Variants in SH3KBP1 observed in about 807,000 individuals in gnomAD.
SH3KBP1 encodes the protein SH3 domain containing kinase binding protein 1.
In SH3KBP1, 8 loss-of-function variants were observed where a neutral mutation model predicts 50.1. That is an observed-to-expected ratio of 0.16 (90% CI 0.09 to 0.29). The LOEUF (loss-of-function observed/expected upper bound fraction) is 0.29. Ranked by LOEUF, SH3KBP1 falls within the 10% of genes least tolerant of loss-of-function variation. The pLI is 1.00. For missense variants in SH3KBP1, 377 were observed against 535.2 expected, an observed-to-expected ratio of 0.70 and a Z score of 2.92; for synonymous variants, 227 against 218.6, an observed-to-expected ratio of 1.04 and a Z score of -0.34.
At chrX:19,541,347 G>A (rs921325886) in intron 16 of SH3KBP1, among the ~76,000 whole-genome samples, 4 of 111,885 alleles carry the variant, frequency 3.6e-5, no homozygotes, top group Non-Finnish European at 7.5e-5. Context: ...GAGATGTGGC[G>A]AGAGTGTGTG....
intron 5 of SH3KBP1, 34 bp downstream of exon 5, chrX:19,695,577 GC>G: frequency 8.3e-7 from 1 of 1,202,795 alleles, no homozygotes; most frequent in Middle Eastern, 2.3e-4. Flanking sequence ...CCGGTCCCCC[GC>G]CCCTCTCCTG....
intron 2 of SH3KBP1, among the ~76,000 whole-genome samples, chrX:19,834,293 C>T (rs1162031470): frequency 8.9e-6 from 1 of 112,028 alleles, no homozygotes; most frequent in African/African-American, 3.2e-5. Flanking sequence ...ACCTGCTTCT[C>T]TGGGCCCAAG....
chrX:19,792,224 G>A (rs1326384224), intron 2 of SH3KBP1, among the ~76,000 whole-genome samples: 4 of 112,026 alleles, frequency 3.6e-5, no homozygotes, highest in South Asian at 3.6e-4. Flanking sequence ...AAAGGTATTT[G>A]TGGCACATTT....
rs1602500985 is a variant in SH3KBP1, at chrX:19,568,969, T to C, written c.1384+134A>G. 6 of 542,760 alleles carry C rather than the reference T, an allele frequency of 1.1e-5. No individual in the cohort carries two copies. The East Asian group carries it at 2.0e-4, about 18-fold the overall frequency. The allele number at this position is 542,760 out of a possible 1,213,427, so 44.7% of individuals were successfully genotyped here. On this transcript the variant is annotated intron_variant, in intron 13 of 17. Transcript: ENST00000397821. ...CCCTTCTTTACAAAACTGTAACACCTAAAGCCAAGCAAGGGTGCCAGCCTG... is the reference window on the plus strand; with the variant it reads ...CCCTTCTTTACAAAACTGTAACACCCAAAGCCAAGCAAGGGTGCCAGCCTG...
At chrX:19,653,635 C>T (rs1235024214) in intron 6 of SH3KBP1, among the ~76,000 whole-genome samples, 4 of 110,011 alleles carry the variant, frequency 3.6e-5, no homozygotes, top group Admixed American at 2.9e-4. Flanking sequence ...CACTTCAACC[C>T]GGGAGGCGGA....
intron 2 of SH3KBP1, among the ~76,000 whole-genome samples, chrX:19,803,723 C>T (rs1024034814): frequency 9.0e-6 from 1 of 111,568 alleles, no homozygotes; most frequent in Non-Finnish European, 1.9e-5. Context: ...GTTAAGAAGA[C>T]ACTTGCTGGG....
At chrX:19,816,330 G>A (rs1410798482) in intron 2 of SH3KBP1, among the ~76,000 whole-genome samples, 1 of 111,487 alleles carries the variant, frequency 9.0e-6, no homozygotes, top group Non-Finnish European at 1.9e-5. Flanking sequence ...ATGTCTGTTC[G>A]TGTATTTCAC....
chrX:19,690,002 T>C (rs1039247536), intron 5 of SH3KBP1, among the ~76,000 whole-genome samples: 6 of 110,541 alleles, frequency 5.4e-5, no homozygotes, highest in African/African-American at 1.6e-4. Flanking sequence ...TTCTGCATCA[T>C]GGCAGTGGTT....
At chrX:19,767,921 C>T (rs772484102) in intron 2 of SH3KBP1, among the ~76,000 whole-genome samples, 11 of 110,419 alleles carry the variant, frequency 1.0e-4, no homozygotes, top group Non-Finnish European at 2.1e-4. Flanking sequence ...AGCAGAACTT[C>T]GGTGGTTCTG....
intron 12 of SH3KBP1, among the ~76,000 whole-genome samples, chrX:19,572,400 ATATATAGTACATACATGT>A (rs1397669763): frequency 1.1e-5 from 1 of 89,395 alleles, no homozygotes; most frequent in Non-Finnish European, 2.1e-5. Context: ...TACATATGTT[ATATATAGTACATACATGT>A]TATATAGTAC....
chrX:19,617,433 T>C (rs774259100), intron 8 of SH3KBP1, among the ~76,000 whole-genome samples: 3 of 112,495 alleles, frequency 2.7e-5, no homozygotes, highest in African/African-American at 9.7e-5. Context: ...TAATAGAACT[T>C]TCAGCTCTAT....
chrX:19,874,434 T>TGG (rs2069178073), intron 1 of SH3KBP1, among the ~76,000 whole-genome samples: 1 of 16,081 alleles, frequency 6.2e-5, no homozygotes, highest in Non-Finnish European at 8.8e-5. Context: ...GAGGAAGAGT[T>TGG]GGGGGGGCAA....
chrX:19,664,909 G>A (rs1412144151), intron 6 of SH3KBP1, among the ~76,000 whole-genome samples: 3 of 112,298 alleles, frequency 2.7e-5, no homozygotes, highest in Non-Finnish European at 5.6e-5. Flanking sequence ...AATATACAAG[G>A]CATCTTGTTC....
chrX:19,732,701 A>G lies in SH3KBP1; in HGVS notation c.286+13617T>C, dbSNP rs187770014. Among the ~76,000 whole-genome samples, 253 of 100,216 alleles carry G rather than the reference A, an allele frequency of 2.5e-3. 1 individual carries two copies. Among genetic ancestry groups the G allele is most frequent in the African/African-American group, 8.9e-3 (224 of 25,190 alleles). 87.0% of individuals were successfully genotyped at this position (100,216 alleles called of 115,157 possible). A position where few individuals can be genotyped will look rare whatever the true frequency, so the allele number is the denominator to read the frequency against. ...ATCATTTGTTCAAATACAGCATTTTATAATTTCCACTTATCCACCTTCTGA... is the reference window on the plus strand; with the variant it reads ...ATCATTTGTTCAAATACAGCATTTTGTAATTTCCACTTATCCACCTTCTGA... On this transcript the variant is annotated intron_variant, in intron 3 of 17. Transcript: ENST00000397821.
At chrX:19,677,346 G>C (rs1219729660) in intron 6 of SH3KBP1, among the ~76,000 whole-genome samples, 1 of 111,539 alleles carries the variant, frequency 9.0e-6, no homozygotes, top group Non-Finnish European at 1.9e-5. Flanking sequence ...GCCTGATGAA[G>C]AAATTCCCTC....
At chrX:19,698,210 G>T (rs1222641078) in intron 4 of SH3KBP1, among the ~76,000 whole-genome samples, 1 of 111,782 alleles carries the variant, frequency 8.9e-6, no homozygotes, top group Non-Finnish European at 1.9e-5. Flanking sequence ...CACATAGCAG[G>T]AGGAGAAAAT....
intron 13 of SH3KBP1, among the ~76,000 whole-genome samples, chrX:19,562,419 C>T (rs1216208595): frequency 2.7e-5 from 3 of 111,437 alleles, no homozygotes; most frequent in Non-Finnish European, 5.7e-5. Context: ...CTTGCTTCCA[C>T]ATTCATTTTC....
intron 2 of SH3KBP1, among the ~76,000 whole-genome samples, chrX:19,754,588 C>T (rs2065154715): frequency 9.0e-6 from 1 of 111,625 alleles, no homozygotes. Flanking sequence ...CTGTCTCAGT[C>T]TGCCTAGTAG....
rs145372202 is a variant in SH3KBP1 at position 19,695,655 on chromosome X, C to T, written c.477G>A (p.Ser159=). Reference sequence around the variant, plus strand: ...CATCCTGGGAAATGCCAAGCTCATCCGACTCCCCTGACAGCTCCTTGATGA... The same window carrying T: ...CATCCTGGGAAATGCCAAGCTCATCTGACTCCCCTGACAGCTCCTTGATGA... The part of the protein sequence containing the change: ...SNFIKELSGE[S]DELGISQDEQ... Residue 159 remains serine, a synonymous_variant, in exon 5 of 18, where the codon TCG becomes TCA. Coordinates refer to ENST00000397821, the MANE Select transcript of SH3KBP1 (RefSeq NM_031892.3). 9.7e-5 allele frequency: 117 copies of T among 1,206,631 alleles called. 1 individual carries two copies. The African/African-American group carries it at 1.7e-3, about 17-fold the overall frequency.
Sources: allele counts gnomAD v4.1 joint callset (sites outside exome capture counted in the v4.1 genomes callset), GRCh38; gene constraint gnomAD v4.1.1; transcripts MANE v1.5; gene names NCBI Gene and HGNC (gene_info 2026-07-23, HGNC 2026-07-21).